LAMA2: variants seen among roughly 807,000 people sequenced by gnomAD.
LAMA2 encodes laminin subunit alpha-2.
A neutral mutation model predicts 364.8 loss-of-function variants in LAMA2; 269 were observed. That is an observed-to-expected ratio of 0.74 (90% CI 0.67 to 0.82). LAMA2 has a LOEUF of 0.82. Among genes scored for constraint, LAMA2 ranks in the 40% least tolerant of loss-of-function variants. The pLI, the probability that LAMA2 is intolerant of heterozygous loss-of-function variation, is 0.00. For missense variants in LAMA2, 3,807 were observed against 3,873.2 expected, an observed-to-expected ratio of 0.98 and a Z score of 0.45; for synonymous variants, 1,379 against 1,370.6, an observed-to-expected ratio of 1.01 and a Z score of -0.14.
chr6:129,477,861 G>A (rs1252752812), intron 53 of LAMA2, among the ~76,000 whole-genome samples: 1 of 152,084 alleles, frequency 6.6e-6, no homozygotes, highest in Non-Finnish European at 1.5e-5. Flanking sequence ...ATAATTCACT[G>A]CAGCCTTGGC....
At chr6:129,509,900 G>A (rs1055719955) in intron 62 of LAMA2, among the ~76,000 whole-genome samples, 2 of 152,160 alleles carry the variant, frequency 1.3e-5, no homozygotes, top group East Asian at 1.9e-4. Flanking sequence ...TATTTTAATA[G>A]GGATTATATT....
intron 12 of LAMA2, among the ~76,000 whole-genome samples, chr6:129,201,324 A>C (rs1291385800): frequency 1.3e-5 from 2 of 152,194 alleles, no homozygotes; most frequent in Non-Finnish European, 1.5e-5. Context: ...GGCAGCATAC[A>C]AGGGAAGAGG....
intron 6 of LAMA2, among the ~76,000 whole-genome samples, chr6:129,147,699 T>C (rs1451229332): frequency 6.6e-6 from 1 of 152,072 alleles, no homozygotes; most frequent in Non-Finnish European, 1.5e-5. Flanking sequence ...TCCTGTATAG[T>C]ATATGGAAAA....
At position 129,057,701 on chromosome 6, in the gene LAMA2, G is replaced by T. The variant is rs961506307; in HGVS notation, c.284-2083G>T. Among the ~76,000 whole-genome samples, 4 of 152,292 alleles carry T rather than the reference G, an allele frequency of 2.6e-5. No individual in the cohort carries two copies. The South Asian group carries it at 8.3e-4, about 32-fold the overall frequency. Reference sequence around the variant, plus strand: ...GGTCAGTTACGTACTAAGTGGTGGAGCCAGGAGGAATATCAGCTACCCGTG... The same window carrying T: ...GGTCAGTTACGTACTAAGTGGTGGATCCAGGAGGAATATCAGCTACCCGTG... On this transcript the variant is annotated intron_variant, in intron 2 of 64. Coordinates refer to ENST00000421865, the MANE Select transcript of LAMA2 (RefSeq NM_000426.4).
intron 22 of LAMA2, among the ~76,000 whole-genome samples, chr6:129,305,240 A>G (rs1773790990): frequency 1.3e-5 from 2 of 152,058 alleles, no homozygotes; most frequent in Admixed American, 6.5e-5. Context: ...AGCTATTGCA[A>G]CTTTCTTTTT....
In LAMA2 at chr6:129,395,386, C is replaced by T. The variant is rs75010099; in HGVS notation, c.5445+2131C>T. 4.8e-3 allele frequency among the ~76,000 whole-genome samples: 724 copies of T among 152,184 alleles called. 10 individuals are homozygous for T. Among genetic ancestry groups the T allele is most frequent in the African/African-American group, 0.016 (661 of 41,526 alleles). ...TCAAGCCTCTAATTCATTCAGGAAA[C>T]GTGCTAGACACCAAAATTGATTGTG... On this transcript the variant is annotated intron_variant, in intron 37 of 64. Coordinates refer to ENST00000421865, the MANE Select transcript of LAMA2 (RefSeq NM_000426.4).
At position 129,315,585 on chromosome 6, in the gene LAMA2, A is replaced by G. The variant is rs368240215; in HGVS notation, c.3665A>G (p.Asp1222Gly). The change falls in exon 25 of 65, where the codon GAC becomes GGC. Residue 1222 changes from aspartate (D) to glycine (G), a missense_variant. Physicochemically the swap from Asp to Gly is moderately conservative, Grantham distance 94. Transcript: ENST00000421865. Reference sequence around the variant, plus strand: ...CATCCAGAGATTGTTGCCCACATGGACCTGATGAGAGAAGATCTCCATTTG... The same window carrying G: ...CATCCAGAGATTGTTGCCCACATGGGCCTGATGAGAGAAGATCTCCATTTG... ...FQHPEIVAHM[D>G]LMREDLHLEP... The G allele has an allele frequency of 1.5e-4, 248 of 1,614,174 alleles. 3 individuals carry two copies. The South Asian group carries it at 2.4e-3, about 16-fold the overall frequency.
At chr6:129,242,974 TAGG>T (rs1369680307) in intron 12 of LAMA2, among the ~76,000 whole-genome samples, 1 of 152,150 alleles carries the variant, frequency 6.6e-6, no homozygotes, top group Non-Finnish European at 1.5e-5. Flanking sequence ...AATCTATTCA[TAGG>T]AGATTTATAT....
intron 15 of LAMA2, among the ~76,000 whole-genome samples, chr6:129,264,129 G>A (rs1341473720): frequency 6.6e-6 from 1 of 152,126 alleles, no homozygotes; most frequent in Non-Finnish European, 1.5e-5. Context: ...AAGGAGAAGG[G>A]TTAATATGTA....
intron 2 of LAMA2, among the ~76,000 whole-genome samples, chr6:129,058,093 T>C (rs564662027): frequency 6.6e-6 from 1 of 152,328 alleles, no homozygotes; most frequent in Non-Finnish European, 1.5e-5. Context: ...TAAGTGCCCT[T>C]ACTGCAGCCT....
At chr6:129,376,453 A>C (rs1034698274) in intron 34 of LAMA2, among the ~76,000 whole-genome samples, 14 of 152,214 alleles carry the variant, frequency 9.2e-5, no homozygotes, top group African/African-American at 3.4e-4. Flanking sequence ...TAACGTAGCC[A>C]GAATGAATGT....
chr6:129,351,693 T>C (rs745441754), intron 31 of LAMA2, among the ~76,000 whole-genome samples: 29 of 152,126 alleles, frequency 1.9e-4, no homozygotes, highest in Non-Finnish European at 4.3e-4. Context: ...TATAGAAACC[T>C]CTCCTCATAC....
At chr6:129,426,844 T>C (rs2114739050) in intron 40 of LAMA2, among the ~76,000 whole-genome samples, 1 of 152,334 alleles carries the variant, frequency 6.6e-6, no homozygotes, top group African/African-American at 2.4e-5. Context: ...ACTAAGGCAG[T>C]CCAGATGCCT....
At chr6:129,022,969 T>C (rs1785539192) in intron 1 of LAMA2, among the ~76,000 whole-genome samples, 1 of 152,140 alleles carries the variant, frequency 6.6e-6, no homozygotes, top group South Asian at 2.1e-4. Flanking sequence ...CCCCACTCCA[T>C]CCATTGTCTT....
At chr6:129,260,968 C>G (rs1033631459) in intron 15 of LAMA2, 146 bp downstream of exon 15, 3 of 652,482 alleles carry the variant, frequency 4.6e-6, no homozygotes, top group Non-Finnish European at 5.6e-6. Flanking sequence ...GAATATCTAC[C>G]AAAAGCTGTG....
rs1782565609 is a variant in LAMA2 at position 129,205,469 on chromosome 6, A to G, written c.1782+12616A>G. ...TTACATACTTCTCTTCTGGGAATTT[A>G]TTCTGTAAGTATATATATATATATA... On this transcript the variant is annotated intron_variant, in intron 12 of 64. Coordinates refer to ENST00000421865, the MANE Select transcript of LAMA2 (RefSeq NM_000426.4). 2.3e-5 allele frequency among the ~76,000 whole-genome samples: 3 copies of G among 129,038 alleles called. No homozygotes were observed. In the South Asian group the frequency reaches 7.1e-4, roughly 30 times the overall value. The allele number at this position is 129,038 out of a possible 152,430, so 84.7% of individuals were successfully genotyped here.
At chr6:129,237,265 C>T (rs1056038439) in intron 12 of LAMA2, among the ~76,000 whole-genome samples, 4 of 152,074 alleles carry the variant, frequency 2.6e-5, no homozygotes, top group African/African-American at 9.7e-5. Flanking sequence ...TAATTGCAAC[C>T]CCTATTGATG....
intron 51 of LAMA2, among the ~76,000 whole-genome samples, chr6:129,468,869 G>A (rs973108945): frequency 1.3e-5 from 2 of 151,826 alleles, no homozygotes; most frequent in African/African-American, 4.8e-5. Flanking sequence ...TACTGTATCT[G>A]TTTAGGATAC....
intron 10 of LAMA2, among the ~76,000 whole-genome samples, chr6:129,183,038 A>G (rs1264190749): frequency 6.6e-6 from 1 of 151,988 alleles, no homozygotes; most frequent in Non-Finnish European, 1.5e-5. Context: ...TTCAACAATG[A>G]TGTTAATGAA....
Sources: gnomAD v4.1 joint callset for allele counts (sites outside exome capture counted in the v4.1 genomes callset) on GRCh38, gnomAD v4.1.1 for gene constraint, MANE v1.5 for transcripts, NCBI Gene and HGNC (gene_info 2026-07-23, HGNC 2026-07-21) for gene names.